The following ARL13B variants were observed in gnomAD, a reference collection of about 807,000 sequenced individuals.
The protein encoded by ARL13B is ARF like GTPase 13B, also known as ADP-ribosylation factor-like protein 13B.
ARL13B carries 36 observed loss-of-function variants against 56.1 expected under a neutral mutation model. The observed-to-expected ratio is 0.64, with a 90% CI of 0.49 to 0.85. The LOEUF is 0.85. ARL13B is among the 40% of genes least tolerant of loss of function. ARL13B has a pLI of 0.00. For missense variants in ARL13B, 519 were observed against 507.1 expected (o/e 1.02, Z -0.23); for synonymous variants, 178 against 171.1 (o/e 1.04, Z -0.32).
intron 1 of ARL13B, chr3:93,988,647 T>G: frequency 2.0e-6 from 1 of 497,916 alleles, no homozygotes; most frequent in Non-Finnish European, 4.0e-6. Flanking sequence ...CAGACTTGGC[T>G]TCTTTCTCTC....
At chr3:94,014,508 C>G (rs745672677) in intron 3 of ARL13B, 1 of 1,612,016 alleles carries the variant, frequency 6.2e-7, no homozygotes, top group Admixed American at 1.7e-5. Flanking sequence ...TTGTACTATT[C>G]ACTGTCATTT....
intron 3 of ARL13B, chr3:94,028,239 C>G (rs927319848): frequency 6.6e-6 from 1 of 152,136 alleles, no homozygotes; most frequent in Non-Finnish European, 1.5e-5. Flanking sequence ...ACTGGTACCC[C>G]GGTCCAAATC....
intron 4 of ARL13B, 43 bp downstream of exon 4, chr3:94,035,479 T>A (rs2076752601): frequency 7.5e-7 from 1 of 1,327,666 alleles, no homozygotes; most frequent in Non-Finnish European, 1.1e-6. Context: ...TTTTGTCCTT[T>A]CAAATAGGTT....
intron 1 of ARL13B, among the ~76,000 whole-genome samples, chr3:93,993,752 C>G (rs1037026842): frequency 3.9e-5 from 6 of 152,088 alleles, no homozygotes; most frequent in Non-Finnish European, 8.8e-5. Flanking sequence ...AAATTATATT[C>G]TTAGTATCTT....
At chr3:94,015,116 G>T in intron 3 of ARL13B, 1 of 1,613,906 alleles carries the variant, frequency 6.2e-7, no homozygotes. Context: ...TGGATTTCAT[G>T]TAGGTGTCTC....
intron 3 of ARL13B, among the ~76,000 whole-genome samples, chr3:94,032,158 C>A (rs183635506): frequency 1.3e-5 from 2 of 152,280 alleles, no homozygotes; most frequent in Non-Finnish European, 2.9e-5. Context: ...ATATTTGCGA[C>A]CTCTTTATCC....
chr3:94,046,035 TA>T (rs1191631459), intron 7 of ARL13B, among the ~76,000 whole-genome samples: 1 of 149,046 alleles, frequency 6.7e-6, no homozygotes, highest in African/African-American at 2.5e-5. Context: ...GACTAGAGGA[TA>T]GACACAGAGA....
In ARL13B at chr3:94,035,361, T is replaced by G; in HGVS notation, c.411T>G (p.Ala137=). Residue 137 remains alanine, a synonymous_variant, in exon 4 of 10, where the codon GCT becomes GCG. Coordinates refer to ENST00000394222, the MANE Select transcript of ARL13B (RefSeq NM_001174150.2). ...VLANKQDKEG[A]LGEADVIECL... ...CAAATAAACAAGATAAAGAAGGAGC[T>G]TTAGGAGAAGCTGATGTCATTGAAT... The G allele has an allele frequency of 1.2e-6, 2 of 1,611,630 alleles. No individual in the cohort carries two copies. Among genetic ancestry groups the G allele is most frequent in the Non-Finnish European group, 1.7e-6 (2 of 1,179,286 alleles).
At chr3:94,049,302 GT>G in intron 7 of ARL13B, 103 bp from the exon 8 acceptor site, 1 of 641,418 alleles carries the variant, frequency 1.6e-6, no homozygotes, top group Non-Finnish European at 2.7e-6. Context: ...TAGTCAAGAT[GT>G]TTTTTGTTAA....
intron 1 of ARL13B, among the ~76,000 whole-genome samples, chr3:93,992,167 T>C (rs1021260911): frequency 6.6e-6 from 1 of 152,192 alleles, no homozygotes; most frequent in African/African-American, 2.4e-5. Context: ...ATAGTATATA[T>C]GTATTTAGAT....
In ARL13B at chr3:94,054,131, T is replaced by A. The variant is rs964735105; in HGVS notation, c.*868T>A. On this transcript the variant is annotated 3_prime_UTR_variant, in exon 10 of 10. Coordinates refer to ENST00000394222, the MANE Select transcript of ARL13B (RefSeq NM_001174150.2). ...TCAGAGATCAAGGTGCTCCCTATAC[T>A]CCCTTGTTCCATCAGAAGCTGCAGT... 1 of 452,824 alleles carries A rather than the reference T, an allele frequency of 2.2e-6. No homozygotes were observed. The highest frequency in any genetic ancestry group is 4.4e-6 in the Non-Finnish European group (1 of 226,030). The allele number at this position is 452,824 out of a possible 1,614,324, so 28.1% of individuals were successfully genotyped here.
In ARL13B at chr3:94,044,873, C is replaced by T. The variant is rs199689992; in HGVS notation, c.1024+1633C>T. 6.1e-5 allele frequency among the ~76,000 whole-genome samples: 9 copies of T among 146,994 alleles called. No individual in the cohort carries two copies. The South Asian group carries it at 6.6e-4, about 11-fold the overall frequency. ...GGGAAGTGAGGAGCGTCTCTGCCTG[C>T]CCGCCCCTCGTCGGGGAGGTGAGGA... On this transcript the variant is annotated intron_variant, in intron 7 of 9. Coordinates refer to ENST00000394222, the MANE Select transcript of ARL13B (RefSeq NM_001174150.2).
At chr3:93,992,655 T>G (rs945180558) in intron 1 of ARL13B, among the ~76,000 whole-genome samples, 2 of 152,224 alleles carry the variant, frequency 1.3e-5, no homozygotes, top group African/African-American at 4.8e-5. Flanking sequence ...TTCATGGCAA[T>G]GTTTAAAGCA....
At position 94,055,326 on chromosome 3, in the gene ARL13B, G is replaced by A. The variant is rs754245740; in HGVS notation, c.*2063G>A. The A allele has an allele frequency of 1.4e-5, 6 of 430,020 alleles. No homozygotes were observed. The highest frequency in any genetic ancestry group is 8.5e-5 in the South Asian group (5 of 59,062). The allele number at this position is 430,020 out of a possible 1,614,324, so 26.6% of individuals were successfully genotyped here. On this transcript the variant is annotated 3_prime_UTR_variant, in exon 10 of 10. Coordinates refer to ENST00000394222, the MANE Select transcript of ARL13B (RefSeq NM_001174150.2). ...TGGTAGATTTAAATGATTTCCTTTG[G>A]GTAATAAAATAGGTAAAGATTTTAA...
rs1156552989 is a variant in ARL13B at position 93,980,163 on chromosome 3, T to C, written c.-261T>C. ...CAGCACGTCGACGCGGGGCTTTTCT[T>C]TAGCCGGGTCCCGCTAACTCGGCTA... On this transcript the variant is annotated 5_prime_UTR_variant, in exon 1 of 10. Coordinates refer to ENST00000394222, the MANE Select transcript of ARL13B (RefSeq NM_001174150.2). 3 of 635,288 alleles carry C rather than the reference T, an allele frequency of 4.7e-6. No individual in the cohort carries two copies. Among genetic ancestry groups the C allele is most frequent in the Non-Finnish European group, 8.6e-6 (3 of 348,576 alleles). The allele number at this position is 635,288 out of a possible 1,614,324, so 39.4% of individuals were successfully genotyped here.
chr3:94,039,920 A>G lies in ARL13B; in HGVS notation c.730A>G (p.Ser244Gly), dbSNP rs781643859. 2.5e-6 allele frequency: 4 copies of G among 1,614,026 alleles called. No homozygotes were observed. The highest frequency in any genetic ancestry group is 3.4e-6 in the Non-Finnish European group (4 of 1,180,020). Residue 244 changes from serine (S) to glycine (G), a missense_variant, in exon 6 of 10, where the codon AGT becomes GGT. Coordinates refer to ENST00000394222, the MANE Select transcript of ARL13B (RefSeq NM_001174150.2). The stretch of plus-strand genomic sequence containing the variant: ...GGAGCAGGCTGAACTCGATGGAACC[A>G]GTGGTCTGGCTGAGTTGGACCCAGA... ...EQEQAELDGT[S>G]GLAELDPEPT...
At chr3:94,047,417 G>A (rs562335588) in intron 7 of ARL13B, among the ~76,000 whole-genome samples, 56 of 152,268 alleles carry the variant, frequency 3.7e-4, no homozygotes, top group African/African-American at 1.3e-3. Flanking sequence ...TCTACTGCTT[G>A]TTAAAGAACA....
At chr3:94,015,817 G>T (rs536613031) in intron 3 of ARL13B, among the ~76,000 whole-genome samples, 1 of 152,058 alleles carries the variant, frequency 6.6e-6, no homozygotes, top group African/African-American at 2.4e-5. Flanking sequence ...TAAATTTTCC[G>T]AAGCCTCTGA....
intron 3 of ARL13B, chr3:94,014,987 T>G (rs757995083): frequency 6.2e-7 from 1 of 1,614,068 alleles, no homozygotes; most frequent in Non-Finnish European, 8.5e-7. Context: ...ATCTCCTTTG[T>G]AATGGTAGAC....
Sources: gnomAD v4.1 joint callset for allele counts (sites outside exome capture counted in the v4.1 genomes callset) on GRCh38, gnomAD v4.1.1 for gene constraint, MANE v1.5 for transcripts, NCBI Gene and HGNC (gene_info 2026-07-23, HGNC 2026-07-21) for gene names.